GTF2IRD1: variants seen among roughly 807,000 people sequenced by gnomAD.
GTF2IRD1 encodes the protein GTF2I repeat domain containing 1.
A neutral mutation model predicts 113.2 loss-of-function variants in GTF2IRD1; 26 were observed. The ratio of observed to expected loss-of-function variants is 0.23; its 90% confidence interval spans 0.17 to 0.32. GTF2IRD1 has a LOEUF of 0.32. Among genes scored for constraint, GTF2IRD1 ranks in the 10% least tolerant of loss-of-function variants. The probability of loss-of-function intolerance (pLI) is 1.00; values close to 1 mark genes in which losing one functional copy is unlikely to be tolerated. For missense variants in GTF2IRD1, 864 were observed against 1,280.8 expected, an observed-to-expected ratio of 0.67 and a Z score of 4.97; for synonymous variants, 484 against 529.1, an observed-to-expected ratio of 0.91 and a Z score of 1.17.
intron 1 of GTF2IRD1, among the ~76,000 whole-genome samples, chr7:74,503,129 T>C (rs1796119181): frequency 6.7e-6 from 1 of 148,946 alleles, no homozygotes; most frequent in African/African-American, 2.5e-5. Context: ...ATCATGCCAC[T>C]GCACTCCAGT....
chr7:74,600,436 C>T (rs905932765), intron 25 of GTF2IRD1, among the ~76,000 whole-genome samples: 4 of 152,010 alleles, frequency 2.6e-5, no homozygotes, highest in Admixed American at 1.3e-4. Flanking sequence ...AGGCCAGGTT[C>T]GATGGCTCAT....
At chr7:74,519,324 G>A (rs1797126387) in intron 5 of GTF2IRD1, 85 bp from the exon 6 acceptor site, 5 of 900,604 alleles carry the variant, frequency 5.6e-6, no homozygotes, top group Non-Finnish European at 8.4e-6. Flanking sequence ...TCTGCAGAGG[G>A]CAGGGATGCG....
At chr7:74,530,783 G>A (rs372956120) in intron 9 of GTF2IRD1, among the ~76,000 whole-genome samples, 44 of 152,052 alleles carry the variant, frequency 2.9e-4, no homozygotes, top group African/African-American at 1.0e-3. Context: ...TAAGTGCATC[G>A]GTGCACCTGA....
At chr7:74,510,473 A>AT (rs1228625757) in intron 2 of GTF2IRD1, among the ~76,000 whole-genome samples, 5 of 150,760 alleles carry the variant, frequency 3.3e-5, no homozygotes, top group Admixed American at 2.6e-4. Context: ...CACCTGGCTA[A>AT]TTTTTTTGTA....
rs1361532334 is a variant in GTF2IRD1, at chr7:74,484,809, G to GT, written c.-6-23260dup. Among the ~76,000 whole-genome samples the GT allele has an allele frequency of 4.6e-5, 7 of 152,238 alleles. No homozygotes were observed. The East Asian group carries it at 1.4e-3, about 29-fold the overall frequency. ...TATTCCATTGTATGGATAGACTGTG[G>GT]TTTTTTATCCATTCATCATCGGACG... On this transcript the variant is annotated intron_variant, in intron 1 of 26. Coordinates refer to ENST00000424337, the MANE Select transcript of GTF2IRD1 (RefSeq NM_005685.4).
Position 74,555,110 on chromosome 7 carries a change from A to C in GTF2IRD1, c.1917-64A>C. 8 of 1,449,848 alleles carry C rather than the reference A, an allele frequency of 5.5e-6. No homozygotes were observed. The highest frequency in any genetic ancestry group is 7.7e-6 in the Non-Finnish European group (8 of 1,042,354). The allele number at this position is 1,449,848 out of a possible 1,614,324, so 89.8% of individuals were successfully genotyped here. A position where few individuals can be genotyped will look rare whatever the true frequency, so the allele number is the denominator to read the frequency against. ...CTGTGTAGACTGAGGCCCAGAGAGG[A>C]GGGCTGAGCAGTCCCAGAGATGCTT... On this transcript the variant is annotated intron_variant, in intron 17 of 26. Transcript: ENST00000424337. This position sits in a 1 kb window ranked among gnomAD's most constrained non-coding sequence, Gnocchi z 5.3.
chr7:74,519,790 C>A, intron 6 of GTF2IRD1, 71 bp downstream of exon 6: 1 of 1,120,124 alleles, frequency 8.9e-7, no homozygotes, highest in Non-Finnish European at 1.3e-6. Flanking sequence ...GACAGCCTCC[C>A]AGGGCAGGTC....
chr7:74,496,800 C>T (rs782758853), intron 1 of GTF2IRD1, among the ~76,000 whole-genome samples: 2 of 152,018 alleles, frequency 1.3e-5, no homozygotes, highest in Admixed American at 6.6e-5. Flanking sequence ...GTCTTAGGAA[C>T]GACACTCGAC....
At chr7:74,591,270 A>G (rs1802045354) in intron 24 of GTF2IRD1, among the ~76,000 whole-genome samples, 1 of 151,796 alleles carries the variant, frequency 6.6e-6, no homozygotes, top group Non-Finnish European at 1.5e-5. Context: ...TTTTCTGACT[A>G]TACAATTCTG....
chr7:74,569,141 A>C (rs1464531356), intron 22 of GTF2IRD1, among the ~76,000 whole-genome samples: 1 of 152,096 alleles, frequency 6.6e-6, no homozygotes, highest in Non-Finnish European at 1.5e-5. Flanking sequence ...CCTGCCACAC[A>C]TCGGGGGGTC....
chr7:74,600,967 C>G, intron 25 of GTF2IRD1, 77 bp from the exon 26 acceptor site: 1 of 1,538,586 alleles, frequency 6.5e-7, no homozygotes, highest in Non-Finnish European at 9.0e-7. Context: ...AGACAGAGCA[C>G]TTTTCCAGGG....
At chr7:74,557,547 G>T in intron 19 of GTF2IRD1, 92 bp from the exon 20 acceptor site, 3 of 797,290 alleles carry the variant, frequency 3.8e-6, no homozygotes, top group Non-Finnish European at 6.2e-6. Context: ...CGGAGAAGGA[G>T]TTCCCCATAA....
At chr7:74,490,559 C>G (rs1795284499) in intron 1 of GTF2IRD1, among the ~76,000 whole-genome samples, 1 of 151,486 alleles carries the variant, frequency 6.6e-6, no homozygotes, top group Non-Finnish European at 1.5e-5. Context: ...CCCCCGCCCG[C>G]CTTCCAGAAG....
At chr7:74,545,882 TG>T in intron 16 of GTF2IRD1, 73 bp downstream of exon 16, 1 of 1,088,844 alleles carries the variant, frequency 9.2e-7, no homozygotes, top group Admixed American at 1.7e-5. Flanking sequence ...AGAAGGGCTT[TG>T]GTCGCATCCC....
chr7:74,536,614 C>A (rs1441927362), intron 11 of GTF2IRD1, among the ~76,000 whole-genome samples: 1 of 151,850 alleles, frequency 6.6e-6, no homozygotes, highest in East Asian at 1.9e-4. Flanking sequence ...TCGAGACCAG[C>A]CTGGGCAACA....
chr7:74,544,668 A>T, intron 14 of GTF2IRD1, 87 bp from the exon 15 acceptor site: 1 of 1,378,086 alleles, frequency 7.3e-7, no homozygotes. Flanking sequence ...CTGGCCTGCC[A>T]TTCCCCAGCT....
chr7:74,464,860 C>T (rs1171280331), intron 1 of GTF2IRD1, among the ~76,000 whole-genome samples: 1 of 152,180 alleles, frequency 6.6e-6, no homozygotes, highest in Non-Finnish European at 1.5e-5. Flanking sequence ...TTGCCTCCCA[C>T]CCCTACCGGG....
At chr7:74,545,614 A>ACCCCCCCCCC in intron 15 of GTF2IRD1, 130 bp from the exon 16 acceptor site, 1 of 643,868 alleles carries the variant, frequency 1.6e-6, no homozygotes, top group Non-Finnish European at 2.9e-6. Context: ...TAAGTTACCC[A>ACCCCCCCCCC]CCGCCCCAGC....
chr7:74,472,639 C>G (rs2117024499), intron 1 of GTF2IRD1, among the ~76,000 whole-genome samples: 1 of 152,306 alleles, frequency 6.6e-6, no homozygotes, highest in East Asian at 1.9e-4. Context: ...GTAATCCCAG[C>G]TACTTGTGAG....
Sources: gnomAD v4.1 joint callset for allele counts (sites outside exome capture counted in the v4.1 genomes callset) on GRCh38, gnomAD v4.1.1 for gene constraint, Gnocchi (gnomAD v3.1) non-coding constraint, MANE v1.5 for transcripts, NCBI Gene and HGNC (gene_info 2026-07-23, HGNC 2026-07-21) for gene names.